Variants in FAM78B observed in about 807,000 individuals in gnomAD.
FAM78B encodes the protein protein FAM78B.
A neutral mutation model predicts 20.0 loss-of-function variants in FAM78B; 10 were observed. That is an observed-to-expected ratio of 0.50 (90% CI 0.31 to 0.85). The LOEUF (loss-of-function observed/expected upper bound fraction) is 0.85. FAM78B is among the 40% of genes least tolerant of loss of function. FAM78B has a pLI of 0.05. For synonymous variants in FAM78B, 135 were observed against 132.8 expected (o/e 1.02, Z -0.12); for missense variants, 283 against 345.0 (o/e 0.82, Z 1.42).
intron 1 of FAM78B, among the ~76,000 whole-genome samples, chr1:166,111,471 T>G (rs765782477): frequency 1.4e-4 from 22 of 152,226 alleles, no homozygotes; most frequent in Admixed American, 3.3e-4. Context: ...CTGGAGCAGC[T>G]GTCTACAGCA....
intron 1 of FAM78B, among the ~76,000 whole-genome samples, chr1:166,105,397 C>T (rs1371769793): frequency 6.6e-6 from 1 of 151,946 alleles, no homozygotes; most frequent in East Asian, 1.9e-4. Flanking sequence ...GCAAAAGAAA[C>T]TACCATCAGA....
rs560994593 is a variant in FAM78B at position 166,088,680 on chromosome 1, C to T, written c.264-17917G>A. ...CAAGTCATTCCCACCCTTCAATCCT[C>T]TGTGAAGGGCTTCCTGACTGTTCCA... On this transcript the variant is annotated intron_variant, in intron 1 of 1. Coordinates refer to ENST00000354422, the MANE Select transcript of FAM78B (RefSeq NM_001017961.5). Among the ~76,000 whole-genome samples, 16 of 152,300 alleles carry T rather than the reference C, an allele frequency of 1.1e-4. 1 individual carries two copies. Among genetic ancestry groups the T allele is most frequent in the Admixed American group, 1.0e-3 (16 of 15,310 alleles).
At position 166,110,212 on chromosome 1, in the gene FAM78B, T is replaced by G. The variant is rs532124841; in HGVS notation, c.264-39449A>C. Among the ~76,000 whole-genome samples the G allele has an allele frequency of 3.1e-3, 468 of 151,534 alleles. 2 individuals are homozygous for G. Among genetic ancestry groups the G allele is most frequent in the Admixed American group, 5.4e-3 (82 of 15,180 alleles). ...CACCAAAATCTCACAAATCACCACTTAAGAACTTACTCATGTAACCCAATA... is the reference window on the plus strand; with the variant it reads ...CACCAAAATCTCACAAATCACCACTGAAGAACTTACTCATGTAACCCAATA... On this transcript the variant is annotated intron_variant, in intron 1 of 1. Transcript: ENST00000354422.
At chr1:166,140,683 A>G (rs947124175) in intron 1 of FAM78B, among the ~76,000 whole-genome samples, 1 of 152,222 alleles carries the variant, frequency 6.6e-6, no homozygotes, top group Non-Finnish European at 1.5e-5. Flanking sequence ...GATTACTAGA[A>G]AATAGTGTGG....
chr1:166,144,838 T>C (rs1557916369), intron 1 of FAM78B, among the ~76,000 whole-genome samples: 1 of 152,176 alleles, frequency 6.6e-6, no homozygotes. Flanking sequence ...TTCTTTACCA[T>C]GGCACCTCAC....
At chr1:166,098,915 G>A (rs59384574) in intron 1 of FAM78B, among the ~76,000 whole-genome samples, 29,683 of 152,038 alleles carry the variant, frequency 0.2, 3,306 homozygotes, top group East Asian at 0.38. Flanking sequence ...AATTCATCAC[G>A]AAAAGATCTT....
At chr1:166,084,260 C>CTCTCTCTCTCTCTCTT (rs1652716796) in intron 1 of FAM78B, among the ~76,000 whole-genome samples, 1 of 149,682 alleles carries the variant, frequency 6.7e-6, no homozygotes, top group Admixed American at 6.6e-5. Context: ...CTCTCTCTCT[C>CTCTCTCTCTCTCTCTT]TCTCTTTCTC....
chr1:166,110,663 A>C (rs1223601610), intron 1 of FAM78B, among the ~76,000 whole-genome samples: 1 of 152,146 alleles, frequency 6.6e-6, no homozygotes, highest in African/African-American at 2.4e-5. Context: ...TCCAGCTTTG[A>C]ATGGAGCCAC....
At chr1:166,123,531 A>G (rs557248663) in intron 1 of FAM78B, among the ~76,000 whole-genome samples, 34 of 152,330 alleles carry the variant, frequency 2.2e-4, no homozygotes, top group Middle Eastern at 3.4e-3. Flanking sequence ...CCCCAATTTA[A>G]TATTCTTCAA....
intron 1 of FAM78B, among the ~76,000 whole-genome samples, chr1:166,116,586 A>C (rs1395418854): frequency 1.3e-5 from 2 of 152,194 alleles, no homozygotes; most frequent in Non-Finnish European, 2.9e-5. Context: ...TTGCAGCATG[A>C]TCCACCTGCC....
At chr1:166,139,723 A>G (rs929728456) in intron 1 of FAM78B, among the ~76,000 whole-genome samples, 4 of 152,218 alleles carry the variant, frequency 2.6e-5, no homozygotes, top group African/African-American at 4.8e-5. Context: ...GGTCTTAACC[A>G]GACTAATGAA....
At chr1:166,067,955 T>C (rs751741823), downstream of FAM78B, among the ~76,000 whole-genome samples, 27 of 152,250 alleles carry the variant, frequency 1.8e-4, no homozygotes, top group Non-Finnish European at 2.9e-4. Context: ...GCTTTAGATA[T>C]ATAGATAAGC....
In FAM78B at chr1:166,115,339, G is replaced by A. The variant is rs535497594; in HGVS notation, c.264-44576C>T. Among the ~76,000 whole-genome samples, 11 of 152,328 alleles carry A rather than the reference G, an allele frequency of 7.2e-5. No homozygotes were observed. In the South Asian group the frequency reaches 1.4e-3, roughly 20 times the overall value. ...TTTTAAGCAAACACCCAAATGGAGC[G>A]AGGGAGAGCATGCATGGTTATCTGG... On this transcript the variant is annotated intron_variant, in intron 1 of 1. Transcript: ENST00000354422.
chr1:166,122,791 T>C (rs1007152685), intron 1 of FAM78B, among the ~76,000 whole-genome samples: 4 of 152,224 alleles, frequency 2.6e-5, no homozygotes, highest in Non-Finnish European at 5.9e-5. Flanking sequence ...GTATATAAAA[T>C]ATGCTTTAAA....
chr1:166,094,779 G>A (rs1040602075), intron 1 of FAM78B, among the ~76,000 whole-genome samples: 2 of 152,172 alleles, frequency 1.3e-5, no homozygotes, highest in African/African-American at 2.4e-5. Context: ...AAGACATGCC[G>A]GGAGGGACAA....
At chr1:166,101,881 A>G (rs1438551839) in intron 1 of FAM78B, among the ~76,000 whole-genome samples, 1 of 152,158 alleles carries the variant, frequency 6.6e-6, no homozygotes, top group African/African-American at 2.4e-5. Context: ...ACTCCTCGAG[A>G]AGAGCAACTC....
At chr1:166,056,488 C>A (rs1241581707), downstream of FAM78B, among the ~76,000 whole-genome samples, 1 of 152,150 alleles carries the variant, frequency 6.6e-6, no homozygotes, top group African/African-American at 2.4e-5. Context: ...AATCCAAGTA[C>A]ACCTCAAGAC....
intron 1 of FAM78B, among the ~76,000 whole-genome samples, chr1:166,084,237 A>ACACACTCTCTCTCTCTCTCTCTCTCT (rs771421402): frequency 2.6e-4 from 33 of 125,478 alleles, no homozygotes; most frequent in South Asian, 7.8e-4. Flanking sequence ...ACACACACAC[A>ACACACTCTCTCTCTCTCTCTCTCTCT]CTCTCTCTCT....
chr1:166,078,929 T>C (rs1405100799), intron 1 of FAM78B, among the ~76,000 whole-genome samples: 1 of 36,112 alleles, frequency 2.8e-5, no homozygotes, highest in African/African-American at 8.3e-5. Flanking sequence ...CCTTACATGT[T>C]TTTTTTTTTT....
Sources: gnomAD v4.1 joint callset for allele counts (sites outside exome capture counted in the v4.1 genomes callset) on GRCh38, gnomAD v4.1.1 for gene constraint, MANE v1.5 for transcripts, NCBI Gene and HGNC (gene_info 2026-07-23, HGNC 2026-07-21) for gene names.